Variants in KY observed in about 807,000 individuals in gnomAD.
KY encodes the protein kyphoscoliosis peptidase.
A neutral mutation model predicts 76.1 loss-of-function variants in KY; 43 were observed. That is an observed-to-expected ratio of 0.57 (90% CI 0.44 to 0.73). The LOEUF (loss-of-function observed/expected upper bound fraction) is 0.73. Ranked by LOEUF, KY falls within the 30% of genes least tolerant of loss-of-function variation. KY has a pLI of 0.00. For synonymous variants in KY, 277 were observed against 326.2 expected (o/e 0.85, Z 1.63); for missense variants, 722 against 828.9 (o/e 0.87, Z 1.58).
chr3:134,648,956 G>A (rs1358643944), intron 1 of KY, among the ~76,000 whole-genome samples: 4 of 152,180 alleles, frequency 2.6e-5, no homozygotes, highest in African/African-American at 4.8e-5. Context: ...GCACCCATGG[G>A]AGGCTTTGGA....
At chr3:134,615,655 G>A (rs139728128) in intron 8 of KY, among the ~76,000 whole-genome samples, 4 of 150,600 alleles carry the variant, frequency 2.7e-5, no homozygotes, top group East Asian at 1.9e-4. Flanking sequence ...ATCCTTTGGT[G>A]TAGCTATAAG....
chr3:134,639,133 A>T (rs1035484408), intron 3 of KY, among the ~76,000 whole-genome samples: 3 of 140,230 alleles, frequency 2.1e-5, no homozygotes, highest in South Asian at 2.4e-4. Context: ...TTGGTAGTTT[A>T]AAAAAAAATA....
chr3:134,649,106 G>A (rs989124107), intron 1 of KY, among the ~76,000 whole-genome samples: 2 of 152,136 alleles, frequency 1.3e-5, no homozygotes, highest in Non-Finnish European at 2.9e-5. Context: ...CCTCTTCTCT[G>A]CTCTGGTTGT....
rs779374570 is a variant in KY at position 134,603,657 on chromosome 3, T to C, written c.1908A>G (p.Glu636=). 1.4e-5 allele frequency: 22 copies of C among 1,613,474 alleles called. No individual in the cohort carries two copies. In the East Asian group the frequency reaches 4.5e-4, roughly 33 times the overall value. The change falls in exon 11 of 11, where the codon GAA becomes GAG. Residue 636 remains glutamate, a synonymous_variant. Transcript: ENST00000423778. The stretch of plus-strand genomic sequence containing the variant: ...CATTCTCCAGCACCATGACATAGAC[T>C]TCCTGGCAGCCAGCTGTGCTGCAGC... ...EGSCSTAGCQ[E]VYVMVLENAN...
intron 10 of KY, chr3:134,606,931 A>G: frequency 8.1e-6 from 8 of 984,306 alleles, no homozygotes; most frequent in Non-Finnish European, 8.4e-6. Context: ...CAGTTTCCCT[A>G]TTTTGTTTCC....
At chr3:134,607,658 T>G in intron 10 of KY, 1 of 985,702 alleles carries the variant, frequency 1.0e-6, no homozygotes, top group South Asian at 4.7e-5. Context: ...CCTGCTTTTT[T>G]GTGACCAGTT....
intron 1 of KY, among the ~76,000 whole-genome samples, chr3:134,649,685 TTC>T (rs1477824472): frequency 6.6e-6 from 1 of 152,200 alleles, no homozygotes; most frequent in Non-Finnish European, 1.5e-5. Context: ...GCCCTCTAGA[TTC>T]TGTTTCTTTC....
At chr3:134,630,820 A>G (rs1021474011) in intron 3 of KY, among the ~76,000 whole-genome samples, 3 of 152,232 alleles carry the variant, frequency 2.0e-5, no homozygotes, top group Non-Finnish European at 4.4e-5. Flanking sequence ...CCACACACAA[A>G]AAACCAGCCA....
intron 10 of KY, among the ~76,000 whole-genome samples, chr3:134,606,509 C>T (rs531885302): frequency 5.9e-5 from 9 of 152,336 alleles, no homozygotes; most frequent in African/African-American, 1.7e-4. Flanking sequence ...ACCCGGACCC[C>T]TCAGCTGAGG....
At chr3:134,650,390 A>G (rs919522261) in intron 1 of KY, among the ~76,000 whole-genome samples, 8 of 152,152 alleles carry the variant, frequency 5.3e-5, no homozygotes, top group African/African-American at 1.9e-4. Flanking sequence ...CTCCCCATCT[A>G]AAAGTCTGAC....
At chr3:134,619,083 T>G in intron 8 of KY, 65 bp downstream of exon 8, 1 of 1,334,070 alleles carries the variant, frequency 7.5e-7, no homozygotes, top group Non-Finnish European at 1.1e-6. Context: ...CAAAGGCACA[T>G]GGCACTGTGG....
chr3:134,644,240 C>T (rs144808646), intron 2 of KY, among the ~76,000 whole-genome samples: 55 of 152,282 alleles, frequency 3.6e-4, no homozygotes, highest in African/African-American at 1.0e-3. Flanking sequence ...AGGGCATGCA[C>T]GCTACACACG....
At chr3:134,613,757 A>T (rs1402508235) in intron 8 of KY, among the ~76,000 whole-genome samples, 2 of 152,220 alleles carry the variant, frequency 1.3e-5, no homozygotes, top group Non-Finnish European at 2.9e-5. Context: ...TTGGACAAAG[A>T]AGGTCATAAT....
At chr3:134,609,594 C>A (rs1959959377) in intron 9 of KY, among the ~76,000 whole-genome samples, 1 of 152,118 alleles carries the variant, frequency 6.6e-6, no homozygotes, top group South Asian at 2.1e-4. Context: ...TTGTATGTAG[C>A]CTCAGGTTAA....
At position 134,601,983 on chromosome 3, in the gene KY, T is replaced by TTACCAAGGCAC. The variant is rs11273880; in HGVS notation, c.*1595_*1596insGTGCCTTGGTA. On this transcript the variant is annotated 3_prime_UTR_variant, in exon 11 of 11. Transcript: ENST00000423778. ...CCTCTGTAGCCCAAGCATCTGGTAC[T>TTACCAAGGCAC]TCTGTGAGCATTTGTTGGATACAGG... 1 allele frequency among the ~76,000 whole-genome samples: 151,746 copies of TTACCAAGGCAC among 152,288 alleles called. 75,607 individuals carry two copies. Among genetic ancestry groups the TTACCAAGGCAC allele is most frequent in the Middle Eastern group, 1 (294 of 294 alleles).
At chr3:134,610,888 G>A (rs1005470441) in intron 8 of KY, among the ~76,000 whole-genome samples, 6 of 152,228 alleles carry the variant, frequency 3.9e-5, no homozygotes. Context: ...GTGAGGTGTT[G>A]TGGGGTTGCT....
At chr3:134,613,398 C>G (rs1392159018) in intron 8 of KY, among the ~76,000 whole-genome samples, 7 of 152,116 alleles carry the variant, frequency 4.6e-5, no homozygotes, top group African/African-American at 1.7e-4. Flanking sequence ...AGAGCCTGCC[C>G]CAGCCCTGGA....
chr3:134,626,795 T>C (rs1322470580), intron 5 of KY, among the ~76,000 whole-genome samples: 2 of 152,208 alleles, frequency 1.3e-5, no homozygotes, highest in East Asian at 3.9e-4. Context: ...CCATGACTTA[T>C]GTCATCAACC....
chr3:134,600,731 C>G lies in KY; in HGVS notation c.*2848G>C, dbSNP rs1958927541. On this transcript the variant is annotated 3_prime_UTR_variant, in exon 11 of 11. Transcript: ENST00000423778. ...TGAGTGTAGTCACAGCTGTTCCATC[C>G]AGTCCTATGTCAAGTGCTTCTGTTT... is the stretch of plus-strand genomic sequence containing the variant. 1 of 152,236 alleles carries G rather than the reference C, an allele frequency of 6.6e-6. No individual in the cohort carries two copies. Among genetic ancestry groups the G allele is most frequent in the Admixed American group, 6.5e-5 (1 of 15,280 alleles). 9.4% of individuals were successfully genotyped at this position (152,236 alleles called of 1,614,324 possible).
Sources: gnomAD v4.1 joint callset for allele counts (sites outside exome capture counted in the v4.1 genomes callset) on GRCh38, gnomAD v4.1.1 for gene constraint, MANE v1.5 for transcripts, NCBI Gene and HGNC (gene_info 2026-07-23, HGNC 2026-07-21) for gene names.